SLIT2: variants seen among roughly 807,000 people sequenced by gnomAD.
The protein encoded by SLIT2 is slit guidance ligand 2.
A neutral mutation model predicts 185.7 loss-of-function variants in SLIT2; 41 were observed. The observed-to-expected ratio is 0.22, with a 90% confidence interval of 0.17 to 0.29. SLIT2 has a LOEUF of 0.29. Among genes scored for constraint, SLIT2 ranks in the 10% least tolerant of loss-of-function variants. The pLI, the probability that SLIT2 is intolerant of heterozygous loss-of-function variation, is 1.00. For missense variants in SLIT2, 1,571 were observed against 1,909.0 expected (o/e 0.82, Z 3.30); for synonymous variants, 693 against 680.2 (o/e 1.02, Z -0.29).
intron 4 of SLIT2, among the ~76,000 whole-genome samples, chr4:20,456,691 A>G (rs1168662780): frequency 6.6e-6 from 1 of 152,122 alleles, no homozygotes; most frequent in African/African-American, 2.4e-5. Flanking sequence ...TCAGGTGTTC[A>G]GGAAATGATT....
At chr4:20,609,252 C>T (rs566863163) in intron 33 of SLIT2, among the ~76,000 whole-genome samples, 6 of 152,194 alleles carry the variant, frequency 3.9e-5, no homozygotes, top group South Asian at 4.1e-4. Flanking sequence ...TAAGCCCTTC[C>T]AAGGTTTTTA....
At chr4:20,318,435 T>C (rs1718780811) in intron 4 of SLIT2, among the ~76,000 whole-genome samples, 1 of 152,180 alleles carries the variant, frequency 6.6e-6, no homozygotes, top group Non-Finnish European at 1.5e-5. Context: ...GTGAAACTAA[T>C]GTTCAAGTGC....
At position 20,596,481 on chromosome 4, in the gene SLIT2, T is replaced by C. The variant is rs778244798; in HGVS notation, c.3387T>C (p.Asp1129=). 2 of 1,614,130 alleles carry C rather than the reference T, an allele frequency of 1.2e-6. No homozygotes were observed. Among genetic ancestry groups the C allele is most frequent in the Non-Finnish European group, 1.7e-6 (2 of 1,180,000 alleles). ...GTACCAGCCCCTGTGATAATTTTGATTGTCAGAATGGAGCTCAGTGTATCG... is the reference window on the plus strand; with the variant it reads ...GTACCAGCCCCTGTGATAATTTTGACTGTCAGAATGGAGCTCAGTGTATCG... ...LPRTSPCDNF[D]CQNGAQCIVR... Residue 1129 remains aspartate, a synonymous_variant, in exon 32 of 37, where the codon GAT becomes GAC. Transcript: ENST00000504154.
At chr4:20,432,715 C>T (rs938232767) in intron 4 of SLIT2, among the ~76,000 whole-genome samples, 1 of 151,594 alleles carries the variant, frequency 6.6e-6, no homozygotes, top group Admixed American at 6.6e-5. Context: ...TCTTATCGGG[C>T]ATTTTACAAG....
At chr4:20,535,248 G>T (rs776568706) in intron 18 of SLIT2, among the ~76,000 whole-genome samples, 8 of 151,940 alleles carry the variant, frequency 5.3e-5, no homozygotes, top group African/African-American at 1.9e-4. Flanking sequence ...GCAGTGAGCC[G>T]AGATTGCTCC....
At chr4:20,550,559 T>C (rs1723647615) in intron 24 of SLIT2, among the ~76,000 whole-genome samples, 1 of 152,060 alleles carries the variant, frequency 6.6e-6, no homozygotes, top group African/African-American at 2.4e-5. Flanking sequence ...ACTCCACATT[T>C]ATAAAAGGAA....
At chr4:20,469,557 C>G (rs1013147384) in intron 5 of SLIT2, among the ~76,000 whole-genome samples, 2 of 152,004 alleles carry the variant, frequency 1.3e-5, no homozygotes, top group African/African-American at 4.8e-5. Flanking sequence ...GTTTTCAAAT[C>G]TTTTCTCCCC....
At chr4:20,283,731 C>T (rs928538141) in intron 4 of SLIT2, among the ~76,000 whole-genome samples, 5 of 152,004 alleles carry the variant, frequency 3.3e-5, no homozygotes, top group Admixed American at 1.3e-4. Context: ...ATGACTCAGT[C>T]AAAACTATTT....
chr4:20,431,503 A>T (rs1162187703), intron 4 of SLIT2, among the ~76,000 whole-genome samples: 1 of 152,190 alleles, frequency 6.6e-6, no homozygotes, highest in Non-Finnish European at 1.5e-5. Context: ...GATAAATTTC[A>T]TGCTCTTTAA....
chr4:20,438,280 T>G (rs1445488593), intron 4 of SLIT2, among the ~76,000 whole-genome samples: 1 of 152,194 alleles, frequency 6.6e-6, no homozygotes, highest in Non-Finnish European at 1.5e-5. Context: ...TATCCAACAC[T>G]GGGCAATTTA....
chr4:20,271,241 G>A (rs1713571446), intron 4 of SLIT2, among the ~76,000 whole-genome samples: 1 of 150,964 alleles, frequency 6.6e-6, no homozygotes, highest in African/African-American at 2.4e-5. Flanking sequence ...ACAGAACAAA[G>A]GATATGGAAT....
At chr4:20,266,169 G>C (rs1713011626) in intron 3 of SLIT2, among the ~76,000 whole-genome samples, 1 of 150,616 alleles carries the variant, frequency 6.6e-6, no homozygotes, top group Non-Finnish European at 1.5e-5. Context: ...ATAAGAAAGG[G>C]ATAATAATTA....
At chr4:20,470,845 G>A (rs1714919912) in intron 5 of SLIT2, among the ~76,000 whole-genome samples, 1 of 152,124 alleles carries the variant, frequency 6.6e-6, no homozygotes, top group Non-Finnish European at 1.5e-5. Flanking sequence ...CAAAGTGCTG[G>A]GATTATGCAC....
chr4:20,405,862 A>G (rs934449495), intron 4 of SLIT2, among the ~76,000 whole-genome samples: 7 of 152,076 alleles, frequency 4.6e-5, no homozygotes, highest in African/African-American at 1.7e-4. Context: ...TATTCATATG[A>G]TAGAAGAGTA....
intron 4 of SLIT2, among the ~76,000 whole-genome samples, chr4:20,338,826 T>A (rs779362489): frequency 1.3e-5 from 2 of 152,104 alleles, no homozygotes; most frequent in Non-Finnish European, 2.9e-5. Flanking sequence ...GAGTGGTTCA[T>A]GCCAGGAATC....
chr4:20,576,591 C>T lies in SLIT2; in HGVS notation c.3088+7587C>T, dbSNP rs146765315. ...ATCAAGGTCGTTATAGTTGCGGACA[C>T]ACTTGTGAGCCTCAAATAAGGGAAA... On this transcript the variant is annotated intron_variant, in intron 29 of 36. Transcript: ENST00000504154. Among the ~76,000 whole-genome samples, 251 of 152,260 alleles carry T rather than the reference C, an allele frequency of 1.6e-3. 1 individual carries two copies. Among genetic ancestry groups the T allele is most frequent in the South Asian group, 2.9e-3 (14 of 4,826 alleles).
intron 4 of SLIT2, chr4:20,392,358 G>A (rs1725494501): frequency 6.6e-6 from 1 of 152,122 alleles, no homozygotes; most frequent in African/African-American, 2.4e-5. Context: ...ACCTGTATAG[G>A]GTGCTTACCA....
chr4:20,288,619 G>A (rs865926965), intron 4 of SLIT2, among the ~76,000 whole-genome samples: 2 of 152,154 alleles, frequency 1.3e-5, no homozygotes, highest in South Asian at 2.1e-4. Flanking sequence ...AAACATTGAA[G>A]TATACAAAAT....
intron 19 of SLIT2, 151 bp from the exon 20 acceptor site, chr4:20,541,302 C>T (rs1157191752): frequency 6.3e-6 from 4 of 631,942 alleles, no homozygotes; most frequent in African/African-American, 3.7e-5. Context: ...TCATATACTG[C>T]ATGTGATTCT....
Sources: gnomAD v4.1 joint callset for allele counts (sites outside exome capture counted in the v4.1 genomes callset) on GRCh38, gnomAD v4.1.1 for gene constraint, MANE v1.5 for transcripts, NCBI Gene and HGNC (gene_info 2026-07-23, HGNC 2026-07-21) for gene names.